FRMD3: variants seen among roughly 807,000 people sequenced by gnomAD.
FRMD3 encodes FERM domain-containing protein 3.
A neutral mutation model predicts 70.2 loss-of-function variants in FRMD3; 33 were observed. That is an observed-to-expected ratio of 0.47 (90% CI 0.36 to 0.63). The LOEUF (loss-of-function observed/expected upper bound fraction) is 0.63. Among genes scored for constraint, FRMD3 ranks in the 20% least tolerant of loss-of-function variants. The probability of loss-of-function intolerance (pLI) is 0.00; values close to 1 mark genes in which losing one functional copy is unlikely to be tolerated. For missense variants in FRMD3, 632 were observed against 711.4 expected (o/e 0.89, Z 1.27); for synonymous variants, 279 against 255.9 (o/e 1.09, Z -0.86).
intron 2 of FRMD3, among the ~76,000 whole-genome samples, chr9:83,386,959 G>A (rs1233840621): frequency 2.0e-5 from 3 of 152,102 alleles, no homozygotes; most frequent in Non-Finnish European, 2.9e-5. Flanking sequence ...CTCAGTGCAT[G>A]GTATCAGGAG....
intron 13 of FRMD3, among the ~76,000 whole-genome samples, chr9:83,261,450 T>C (rs1304739801): frequency 6.6e-6 from 1 of 152,132 alleles, no homozygotes. Flanking sequence ...CTAAAGCCAA[T>C]GAGTGTTTTC....
intron 3 of FRMD3, among the ~76,000 whole-genome samples, chr9:83,365,899 A>G (rs1460378613): frequency 6.6e-6 from 1 of 152,170 alleles, no homozygotes; most frequent in Admixed American, 6.5e-5. Context: ...CTTGGAGTGG[A>G]GGCCACAAGA....
the FRMD3 span, among the ~76,000 whole-genome samples, chr9:83,551,309 A>C: frequency 5.3e-5 from 8 of 152,226 alleles, no homozygotes; most frequent in East Asian, 5.8e-4. Context: ...CCAACTTTGC[A>C]TCCTGGGGAT....
chr9:83,303,784 TAAAAAAAGAAATTACG>T (rs1835012389), intron 10 of FRMD3, among the ~76,000 whole-genome samples: 1 of 152,148 alleles, frequency 6.6e-6, no homozygotes, highest in Non-Finnish European at 1.5e-5. Context: ...TTCATGAAGT[TAAAAAAAGAAATTACG>T]AAAATCAATC....
chr9:83,496,458 C>T (rs565359710), intron 1 of FRMD3, among the ~76,000 whole-genome samples: 1 of 152,158 alleles, frequency 6.6e-6, no homozygotes, highest in Non-Finnish European at 1.5e-5. Flanking sequence ...AGTTCCCAAA[C>T]TACCCCAATG....
At chr9:83,475,695 A>G (rs1437181415) in intron 1 of FRMD3, among the ~76,000 whole-genome samples, 2 of 152,212 alleles carry the variant, frequency 1.3e-5, no homozygotes, top group Non-Finnish European at 2.9e-5. Flanking sequence ...AAGAGTTTAG[A>G]GATCACTTTA....
At chr9:83,260,485 T>G (rs942946092) in intron 13 of FRMD3, among the ~76,000 whole-genome samples, 5 of 152,146 alleles carry the variant, frequency 3.3e-5, no homozygotes, top group Non-Finnish European at 7.4e-5. Context: ...TGTCCTTACA[T>G]GTAGGGTGCC....
At chr9:83,272,451 C>G (rs935308254) in intron 13 of FRMD3, among the ~76,000 whole-genome samples, 2 of 152,034 alleles carry the variant, frequency 1.3e-5, no homozygotes, top group Non-Finnish European at 2.9e-5. Context: ...GATCCCCGCT[C>G]GCTACAACCT....
chr9:83,257,163 C>T (rs1244462075), intron 13 of FRMD3, among the ~76,000 whole-genome samples: 2 of 152,118 alleles, frequency 1.3e-5, no homozygotes, highest in African/African-American at 2.4e-5. Context: ...AAATGTGGTA[C>T]ATATATACCA....
At chr9:83,363,406 T>C (rs571659470) in intron 3 of FRMD3, among the ~76,000 whole-genome samples, 61 of 152,336 alleles carry the variant, frequency 4.0e-4, no homozygotes, top group African/African-American at 1.5e-3. Flanking sequence ...AATTTATCCT[T>C]GCAAAAATTA....
At chr9:83,545,353 TTTG>T in the FRMD3 span, among the ~76,000 whole-genome samples, 281 of 129,232 alleles carry the variant, frequency 2.2e-3, 2 homozygotes, top group African/African-American at 7.4e-3. Flanking sequence ...GTTGTTTTTT[TTTG>T]TTTTTTTTTT....
At position 83,467,579 on chromosome 9, in the gene FRMD3, G is replaced by A. The variant is rs771818091; in HGVS notation, c.147+70506C>T. The A allele has an allele frequency of 3.7e-5, 45 of 1,212,622 alleles. No individual in the cohort carries two copies. The East Asian group carries it at 4.3e-4, about 12-fold the overall frequency. The allele number at this position is 1,212,622 out of a possible 1,614,324, so 75.1% of individuals were successfully genotyped here. A position where few individuals can be genotyped will look rare whatever the true frequency, so the allele number is the denominator to read the frequency against. On this transcript the variant is annotated intron_variant, in intron 1 of 13. Transcript: ENST00000304195. ...GACATGCATTATGTTAAATAAAAGC[G>A]TACCTGAGTTGATTACATTTTAGCT... is the stretch of plus-strand genomic sequence containing the variant.
intron 1 of FRMD3, among the ~76,000 whole-genome samples, chr9:83,446,646 CAAAAAA>C (rs780150860): frequency 1.2e-5 from 1 of 83,334 alleles, no homozygotes. Context: ...GACTCGGTCT[CAAAAAA>C]AAAAAAAAAA....
intron 1 of FRMD3, among the ~76,000 whole-genome samples, chr9:83,399,871 T>C (rs981160038): frequency 6.6e-6 from 1 of 152,208 alleles, no homozygotes; most frequent in Admixed American, 6.6e-5. Context: ...ACAGCTAACA[T>C]CATACTTAAT....
intron 1 of FRMD3, among the ~76,000 whole-genome samples, chr9:83,461,560 G>T (rs1827971346): frequency 6.6e-6 from 1 of 152,088 alleles, no homozygotes; most frequent in South Asian, 2.1e-4. Context: ...GGGTTTGTGG[G>T]GTGGGAGGTC....
chr9:83,470,980 T>C (rs1587886272), intron 1 of FRMD3, among the ~76,000 whole-genome samples: 3 of 152,184 alleles, frequency 2.0e-5, no homozygotes, highest in South Asian at 2.1e-4. Flanking sequence ...TAACAAAACA[T>C]AGAAGCAAAC....
intron 1 of FRMD3, among the ~76,000 whole-genome samples, chr9:83,447,170 T>C (rs1284722964): frequency 6.6e-6 from 1 of 152,114 alleles, no homozygotes; most frequent in Non-Finnish European, 1.5e-5. Flanking sequence ...ATTACAGGCA[T>C]GCGCCACCAC....
rs141808195 is a variant in FRMD3 at position 83,456,794 on chromosome 9, A to C, written c.148-67086T>G. The stretch of plus-strand genomic sequence containing the variant: ...CAGAAGTTTGAGACCAACCTGGGCA[A>C]AATGGCAAGACCCTGTCTCTACAAA... On this transcript the variant is annotated intron_variant, in intron 1 of 13. Coordinates refer to ENST00000304195, the MANE Select transcript of FRMD3 (RefSeq NM_174938.6). Among the ~76,000 whole-genome samples the C allele has an allele frequency of 1.6e-4, 24 of 152,314 alleles. No individual in the cohort carries two copies. The East Asian group carries it at 4.6e-3, about 29-fold the overall frequency.
At chr9:83,357,492 G>T (rs1380868067) in intron 3 of FRMD3, among the ~76,000 whole-genome samples, 1 of 151,332 alleles carries the variant, frequency 6.6e-6, no homozygotes, top group Non-Finnish European at 1.5e-5. Flanking sequence ...AGTACTTTAA[G>T]GAATCTCCAC....
Sources: gnomAD v4.1 joint callset for allele counts (sites outside exome capture counted in the v4.1 genomes callset) on GRCh38, gnomAD v4.1.1 for gene constraint, MANE v1.5 for transcripts, NCBI Gene and HGNC (gene_info 2026-07-23, HGNC 2026-07-21) for gene names.